CRHR2: variants seen among roughly 807,000 people sequenced by gnomAD.
CRHR2 encodes the protein corticotropin-releasing hormone receptor 2.
A neutral mutation model predicts 57.9 loss-of-function variants in CRHR2; 53 were observed. The ratio of observed to expected loss-of-function variants is 0.92; its 90% confidence interval spans 0.73 to 1.15. The LOEUF is 1.15. CRHR2 is among the 50% of genes most tolerant of loss of function. CRHR2 has a pLI of 0.00. For synonymous variants in CRHR2, 213 were observed against 220.9 expected (o/e 0.96, Z 0.32); for missense variants, 532 against 542.6 (o/e 0.98, Z 0.19).
Position 30,682,305 on chromosome 7 carries a change from A to AGGGAGT in CRHR2, c.-31_-26dup, listed in dbSNP as rs1308859271. ...TCGCGTCCCGCAGCCGCGTGCGGAG[A>AGGGAGT]GGGAGTGGGAGTGCGCGCCCGGCGT... On this transcript the variant is annotated 5_prime_UTR_variant, in exon 1 of 12. Coordinates refer to ENST00000471646, the MANE Select transcript of CRHR2 (RefSeq NM_001883.5). The AGGGAGT allele has an allele frequency of 2.0e-6, 3 of 1,529,332 alleles. No individual in the cohort carries two copies. In the South Asian group the frequency reaches 3.7e-5, roughly 19 times the overall value. The allele number at this position is 1,529,332 out of a possible 1,614,324, so 94.7% of individuals were successfully genotyped here. A position where few individuals can be genotyped will look rare whatever the true frequency, so the allele number is the denominator to read the frequency against.
In CRHR2 at chr7:30,665,713, G is replaced by T. The variant is rs1252046461; in HGVS notation, c.316-74C>A. ...GGTGGGGCTGGGTATTCCAGCCGTG[G>T]CCACCTCTGTGTCCTGACCTTGGGG... On this transcript the variant is annotated intron_variant, in intron 3 of 11. Transcript: ENST00000471646. This position sits in a 1 kb window ranked among gnomAD's most constrained non-coding sequence, Gnocchi z 4.5. 7.9e-7 allele frequency: 1 copy of T among 1,272,336 alleles called. No homozygotes were observed. The highest frequency in any genetic ancestry group is 1.1e-6 in the Non-Finnish European group (1 of 899,606). The allele number at this position is 1,272,336 out of a possible 1,614,324, so 78.8% of individuals were successfully genotyped here.
At chr7:30,681,586 G>A (rs147471125) in intron 2 of CRHR2, among the ~76,000 whole-genome samples, 214 of 152,326 alleles carry the variant, frequency 1.4e-3, no homozygotes, top group African/African-American at 4.9e-3. Flanking sequence ...AAGCCCTAAT[G>A]GGGAACTTCA....
At chr7:30,667,973 A>G (rs1340874720) in intron 2 of CRHR2, among the ~76,000 whole-genome samples, 1 of 152,248 alleles carries the variant, frequency 6.6e-6, no homozygotes, top group Non-Finnish European at 1.5e-5. Flanking sequence ...GGCCATATCA[A>G]GTAGTGGCAA....
At chr7:30,655,872 G>A (rs1783766617) in intron 9 of CRHR2, 55 bp downstream of exon 9, 16 of 1,600,010 alleles carry the variant, frequency 1.0e-5, no homozygotes, top group South Asian at 2.2e-5. Context: ...GCAGGGGGAC[G>A]GCCCGATGAC....
intron 2 of CRHR2, among the ~76,000 whole-genome samples, chr7:30,678,582 T>C (rs985729246): frequency 2.6e-5 from 4 of 152,138 alleles, no homozygotes; most frequent in African/African-American, 7.2e-5. Context: ...ACTCACACAC[T>C]GTAGCTATTT....
At chr7:30,667,149 C>A (rs773473422) in intron 3 of CRHR2, 79 bp downstream of exon 3, 6 of 1,310,032 alleles carry the variant, frequency 4.6e-6, no homozygotes, top group Non-Finnish European at 5.5e-6. Flanking sequence ...TGGTCTGCCC[C>A]CCTTGGGATC....
intron 2 of CRHR2, among the ~76,000 whole-genome samples, chr7:30,675,920 C>G (rs1784501604): frequency 6.6e-6 from 1 of 152,204 alleles, no homozygotes; most frequent in African/African-American, 2.4e-5. Context: ...GTAAAATACT[C>G]AGAACCCCAA....
intron 1 of CRHR2, among the ~76,000 whole-genome samples, chr7:30,689,967 G>A (rs1784927877): frequency 6.6e-6 from 1 of 152,180 alleles, no homozygotes; most frequent in Admixed American, 6.5e-5. Context: ...GGCCAGCTTA[G>A]GCACTCACTA....
At chr7:30,659,287 C>T (rs1332096990) in intron 8 of CRHR2, among the ~76,000 whole-genome samples, 2 of 152,192 alleles carry the variant, frequency 1.3e-5, no homozygotes, top group Non-Finnish European at 2.9e-5. Flanking sequence ...TGAGCTCTTG[C>T]GTTCCTCGCC....
chr7:30,684,067 C>T (rs1315557481), upstream of CRHR2, among the ~76,000 whole-genome samples: 1 of 152,248 alleles, frequency 6.6e-6, no homozygotes, highest in Non-Finnish European at 1.5e-5. Context: ...AGATGCTGAG[C>T]AGCCAGCCAG....
intron 2 of CRHR2, among the ~76,000 whole-genome samples, chr7:30,681,177 C>G (rs1161366644): frequency 6.6e-6 from 1 of 152,130 alleles, no homozygotes; most frequent in African/African-American, 2.4e-5. Context: ...GCCCTTTTCC[C>G]CAGAGCCTCA....
At chr7:30,664,995 G>T in intron 5 of CRHR2, 75 bp downstream of exon 5, 3 of 1,204,762 alleles carry the variant, frequency 2.5e-6, no homozygotes, top group South Asian at 1.2e-5. Flanking sequence ...TCCAAGCAGA[G>T]ACCAGACAGA....
At chr7:30,666,087 C>G (rs1784176446) in intron 3 of CRHR2, among the ~76,000 whole-genome samples, 1 of 152,094 alleles carries the variant, frequency 6.6e-6, no homozygotes, top group African/African-American at 2.4e-5. Context: ...TTTTAAAATT[C>G]TAGGCTCTAG....
Position 30,656,742 on chromosome 7 carries a change from G to T in CRHR2, c.832-730C>A, listed in dbSNP as rs1035196121. On this transcript the variant is annotated intron_variant, in intron 8 of 11. Transcript: ENST00000471646. The surrounding 1 kb of genome is among the most constrained non-coding windows in gnomAD (Gnocchi z 4.4). ...TGGCTCCCCAGCTGCTCCCTGCTGGGTGTGGGTCCCCATGGGCCTGCGAGT... is the reference window on the plus strand; with the variant it reads ...TGGCTCCCCAGCTGCTCCCTGCTGGTTGTGGGTCCCCATGGGCCTGCGAGT... Among the ~76,000 whole-genome samples the T allele has an allele frequency of 6.6e-6, 1 of 152,172 alleles. No individual in the cohort carries two copies. The highest frequency in any genetic ancestry group is 2.4e-5 in the African/African-American group (1 of 41,442).
intron 8 of CRHR2, among the ~76,000 whole-genome samples, chr7:30,657,085 A>T (rs1238604278): frequency 7.2e-6 from 1 of 138,776 alleles, no homozygotes; most frequent in Non-Finnish European, 1.6e-5. Context: ...ACACCCACTC[A>T]CACACACACA....
chr7:30,665,248 C>T lies in CRHR2; in HGVS notation c.426-61G>A, dbSNP rs1784140820. 1 of 1,433,552 alleles carries T rather than the reference C, an allele frequency of 7.0e-7. No individual in the cohort carries two copies. Among genetic ancestry groups the T allele is most frequent in the East Asian group, 2.3e-5 (1 of 43,812 alleles). 88.8% of individuals were successfully genotyped at this position (1,433,552 alleles called of 1,614,324 possible). On this transcript the variant is annotated intron_variant, in intron 4 of 11. Transcript: ENST00000471646. This position sits in a 1 kb window ranked among gnomAD's most constrained non-coding sequence, Gnocchi z 4.5. ...AGGGGTCAACTGGGACTGGGTTCCC[C>T]CTGAGGCCAGGTAGAGACTCAGCCT...
chr7:30,653,874 C>T lies in CRHR2; in HGVS notation c.1096-274G>A, dbSNP rs532126975. Reference sequence around the variant, plus strand: ...CCTCTGGACACACTGCCTTCCCTTCCCTGACTCACTCTGCCACCTCAAAAT... The same window carrying T: ...CCTCTGGACACACTGCCTTCCCTTCTCTGACTCACTCTGCCACCTCAAAAT... On this transcript the variant is annotated intron_variant, in intron 11 of 11. Coordinates refer to ENST00000471646, the MANE Select transcript of CRHR2 (RefSeq NM_001883.5). This position sits in a 1 kb window ranked among gnomAD's most constrained non-coding sequence, Gnocchi z 5.0. Among the ~76,000 whole-genome samples, 1 of 152,176 alleles carries T rather than the reference C, an allele frequency of 6.6e-6. No individual in the cohort carries two copies. Among genetic ancestry groups the T allele is most frequent in the Non-Finnish European group, 1.5e-5 (1 of 68,034 alleles).
chr7:30,697,300 G>A (rs879746717), intron 1 of CRHR2, among the ~76,000 whole-genome samples: 1 of 152,192 alleles, frequency 6.6e-6, no homozygotes, highest in Non-Finnish European at 1.5e-5. Context: ...CCTGGGGGGT[G>A]TCTCGCTGTC....
chr7:30,682,136 G>C (rs767854473), intron 1 of CRHR2, 42 bp downstream of exon 1: 11 of 1,535,612 alleles, frequency 7.2e-6, no homozygotes, highest in Middle Eastern at 3.7e-4. Context: ...GCGCGCGAGA[G>C]AAGGAGCCCG....
Sources: allele counts gnomAD v4.1 joint callset (sites outside exome capture counted in the v4.1 genomes callset), GRCh38; gene constraint gnomAD v4.1.1; non-coding constraint Gnocchi (gnomAD v3.1); transcripts MANE v1.5; gene names NCBI Gene and HGNC (gene_info 2026-07-23, HGNC 2026-07-21).